Variants in DNAJB6 observed in about 807,000 individuals in gnomAD.
DNAJB6 encodes the protein dnaJ homolog subfamily B member 6.
DNAJB6 carries 16 observed loss-of-function variants against 42.7 expected under a neutral mutation model. That is an observed-to-expected ratio of 0.37 (90% CI 0.25 to 0.57). DNAJB6 has a LOEUF of 0.57. Ranked by LOEUF, DNAJB6 falls within the 20% of genes least tolerant of loss-of-function variation. The probability of loss-of-function intolerance (pLI) is 0.74; values close to 1 mark genes in which losing one functional copy is unlikely to be tolerated. For synonymous variants in DNAJB6, 170 were observed against 163.5 expected, an observed-to-expected ratio of 1.04 and a Z score of -0.30; for missense variants, 347 against 416.8, an observed-to-expected ratio of 0.83 and a Z score of 1.46.
chr7:157,389,917 C>T (rs1396305760), intron 8 of DNAJB6, among the ~76,000 whole-genome samples: 2 of 152,208 alleles, frequency 1.3e-5, no homozygotes, highest in Non-Finnish European at 2.9e-5. Context: ...GCTTTGTGGC[C>T]TGGGCAAGTT....
intron 8 of DNAJB6, among the ~76,000 whole-genome samples, chr7:157,394,846 C>T (rs1329357713): frequency 6.6e-6 from 1 of 152,216 alleles, no homozygotes; most frequent in Non-Finnish European, 1.5e-5. Context: ...CCTGTAATTC[C>T]AGCACTTTGG....
chr7:157,361,547 A>C (rs1238439983), intron 2 of DNAJB6, among the ~76,000 whole-genome samples: 1 of 152,202 alleles, frequency 6.6e-6, no homozygotes, highest in African/African-American at 2.4e-5. Flanking sequence ...GGTTAAGCCA[A>C]GGTTTTGTTG....
rs761861390 is a variant in DNAJB6, at chr7:157,385,524, G to T, written c.621-17G>T. 4 of 1,608,730 alleles carry T rather than the reference G, an allele frequency of 2.5e-6. No homozygotes were observed. The African/African-American group carries it at 5.4e-5, about 22-fold the overall frequency. Reference sequence around the variant, plus strand: ...TTCTTTACCAGAAAGGTTTTTAAATGAATTTTTTTCCTACAGAATTGTCGA... The same window carrying T: ...TTCTTTACCAGAAAGGTTTTTAAATTAATTTTTTTCCTACAGAATTGTCGA... On this transcript the variant is annotated splice_polypyrimidine_tract_variant and intron_variant, in intron 7 of 9. Coordinates refer to ENST00000262177, the MANE Select transcript of DNAJB6 (RefSeq NM_058246.4).
intron 8 of DNAJB6, among the ~76,000 whole-genome samples, chr7:157,405,045 A>C (rs536633983): frequency 1.7e-4 from 26 of 152,340 alleles, no homozygotes; most frequent in African/African-American, 6.3e-4. Flanking sequence ...TCAGAACTGC[A>C]GGCATGTTGA....
At chr7:157,397,698 G>A (rs968374906) in intron 8 of DNAJB6, among the ~76,000 whole-genome samples, 1 of 152,204 alleles carries the variant, frequency 6.6e-6, no homozygotes, top group Non-Finnish European at 1.5e-5. Flanking sequence ...CGACCTTCAC[G>A]TCTTCATTCC....
intron 8 of DNAJB6, among the ~76,000 whole-genome samples, chr7:157,408,154 G>A (rs1412098372): frequency 1.3e-5 from 2 of 152,202 alleles, no homozygotes; most frequent in African/African-American, 4.8e-5. Context: ...AGAGATGTGC[G>A]TGCATTCTCC....
chr7:157,365,648 C>T (rs1193956054), intron 3 of DNAJB6, among the ~76,000 whole-genome samples: 2 of 152,090 alleles, frequency 1.3e-5, no homozygotes, highest in African/African-American at 2.4e-5. Context: ...AAGAAACGAT[C>T]TAATGGAATA....
chr7:157,340,997 T>C (rs62493448), intron 1 of DNAJB6, among the ~76,000 whole-genome samples: 48,133 of 117,496 alleles, frequency 0.41, 8,233 homozygotes, highest in East Asian at 0.47. Flanking sequence ...TGTGTGTGTG[T>C]GCGCGCGCGC....
chr7:157,351,648 ACAACAACAACAAC>A (rs1798980397), intron 1 of DNAJB6, among the ~76,000 whole-genome samples: 3 of 111,922 alleles, frequency 2.7e-5, no homozygotes, highest in South Asian at 5.8e-4. Context: ...AACAACAACA[ACAACAACAACAAC>A]AAAAAAAACC....
Position 157,385,536 on chromosome 7 carries a change from T to G in DNAJB6, c.621-5T>G. 1 of 1,609,810 alleles carries G rather than the reference T, an allele frequency of 6.2e-7. No homozygotes were observed. Among genetic ancestry groups the G allele is most frequent in the African/African-American group, 1.3e-5 (1 of 74,770 alleles). On this transcript the variant is annotated splice_polypyrimidine_tract_variant and splice_region_variant and intron_variant, in intron 7 of 9. Coordinates refer to ENST00000262177, the MANE Select transcript of DNAJB6 (RefSeq NM_058246.4). ...AAGGTTTTTAAATGAATTTTTTTCC[T>G]ACAGAATTGTCGAGAACGGTCAAGA...
intron 1 of DNAJB6, among the ~76,000 whole-genome samples, chr7:157,339,501 C>A (rs1160956791): frequency 6.6e-6 from 1 of 151,088 alleles, no homozygotes; most frequent in African/African-American, 2.4e-5. Flanking sequence ...GGGGTTTCAC[C>A]GTGTTAGCCA....
chr7:157,381,244 T>C (rs1454237305), intron 5 of DNAJB6: 2 of 152,188 alleles, frequency 1.3e-5, no homozygotes, highest in Non-Finnish European at 2.9e-5. Flanking sequence ...CTGCTTTGGT[T>C]GCTCTGGCCT....
chr7:157,390,446 G>A (rs1475080234), intron 8 of DNAJB6, among the ~76,000 whole-genome samples: 1 of 152,116 alleles, frequency 6.6e-6, no homozygotes, highest in Non-Finnish European at 1.5e-5. Flanking sequence ...CCCCCGCCTG[G>A]TCCTTCCTCT....
At chr7:157,367,892 A>G (rs4716707) in intron 5 of DNAJB6, among the ~76,000 whole-genome samples, 105,813 of 152,012 alleles carry the variant, frequency 0.7, 37,519 homozygotes, top group African/African-American at 0.84. Flanking sequence ...GTATTTTGTC[A>G]CGAAACTTTG....
At position 157,367,491 on chromosome 7, in the gene DNAJB6, A is replaced by G; in HGVS notation, c.346+8A>G. 1 of 1,534,340 alleles carries G rather than the reference A, an allele frequency of 6.5e-7. No individual in the cohort carries two copies. Among genetic ancestry groups the G allele is most frequent in the South Asian group, 1.1e-5 (1 of 89,538 alleles). The stretch of plus-strand genomic sequence containing the variant: ...TTTCATTTGACTTCTTTGGTAAGTT[A>G]ATCACGTGGGTTGACTTGGTGTGTG... On this transcript the variant is annotated splice_region_variant and intron_variant, in intron 5 of 9. Coordinates refer to ENST00000262177, the MANE Select transcript of DNAJB6 (RefSeq NM_058246.4).
chr7:157,338,758 G>GT (rs1798185142), intron 1 of DNAJB6, among the ~76,000 whole-genome samples: 1 of 152,228 alleles, frequency 6.6e-6, no homozygotes, highest in African/African-American at 2.4e-5. Flanking sequence ...CGAGCTGCGG[G>GT]TTTTTGTGGA....
chr7:157,398,033 C>T (rs376089347), intron 8 of DNAJB6, among the ~76,000 whole-genome samples: 1 of 152,238 alleles, frequency 6.6e-6, no homozygotes, highest in African/African-American at 2.4e-5. Flanking sequence ...AAAACTTGTT[C>T]AGCCTTCGTA....
chr7:157,403,555 C>G (rs560390513), intron 8 of DNAJB6, among the ~76,000 whole-genome samples: 1 of 152,286 alleles, frequency 6.6e-6, no homozygotes, highest in South Asian at 2.1e-4. Context: ...CAACCTTTGC[C>G]TCCTGAGCTC....
chr7:157,355,853 C>T (rs1440955013), intron 1 of DNAJB6, among the ~76,000 whole-genome samples: 1 of 152,210 alleles, frequency 6.6e-6, no homozygotes. Context: ...CATGACAGAG[C>T]AGGCTTTCAG....
Sources: gnomAD v4.1 joint callset for allele counts (sites outside exome capture counted in the v4.1 genomes callset) on GRCh38, gnomAD v4.1.1 for gene constraint, MANE v1.5 for transcripts, NCBI Gene and HGNC (gene_info 2026-07-23, HGNC 2026-07-21) for gene names.